The following OR4K14 variants were observed in gnomAD, a reference collection of about 807,000 sequenced individuals.
OR4K14 encodes the protein olfactory receptor family 4 subfamily K member 14, also known as olfactory receptor 4K14.
For missense variants in OR4K14, 406 were observed against 373.6 expected (o/e 1.09, Z -0.72); for synonymous variants, 153 against 141.5 (o/e 1.08, Z -0.58).
intron 1 of OR4K14, among the ~76,000 whole-genome samples, chr14:20,016,941 T>C (rs2138662219): frequency 6.6e-6 from 1 of 152,168 alleles, no homozygotes; most frequent in East Asian, 1.9e-4. Context: ...AAATGTGTTG[T>C]AATGCTTTTG....
chr14:20,014,620 C>T lies in OR4K14; in HGVS notation c.574G>A (p.Asp192Asn), dbSNP rs748978037. The change falls in exon 2 of 2, where the codon GAC (aspartate) becomes AAC (asparagine). Residue 192 changes from aspartate (D) to asparagine (N), a missense_variant. By Grantham distance (23) the Asp-to-Asn change is conservative (BLOSUM62 1). Transcript: ENST00000641793. The stretch of plus-strand genomic sequence containing the variant: ...ATAATTATACCCAAGACATAGGTGT[C>T]CATGCAGGCAAGTTTGATCACCAGA... ...LPLVIKLACM[D>N]TYVLGIIMIS... is the part of the protein sequence containing the mutation. The T allele has an allele frequency of 6.2e-7, 1 of 1,613,930 alleles. No individual in the cohort carries two copies. Among genetic ancestry groups the T allele is most frequent in the Admixed American group, 1.7e-5 (1 of 60,010 alleles).
rs1420560514 is a variant in OR4K14, at chr14:20,014,948, C to T, written c.246G>A (p.Met82Ile). The T allele has an allele frequency of 3.7e-6, 6 of 1,614,072 alleles. No individual in the cohort carries two copies. The South Asian group carries it at 6.6e-5, about 18-fold the overall frequency. The change falls in exon 2 of 2, where the codon ATG becomes ATA. Residue 82 changes from methionine (M) to isoleucine (I), a missense_variant. Physicochemically the swap from Met to Ile is conservative, Grantham distance 10 (BLOSUM62 1). Coordinates refer to ENST00000641793, the MANE Select transcript of OR4K14 (RefSeq NM_001004712.2). ...MWLASFATPK[M>I]IRDFLSDQKL... ...TTTGATCACTAAGGAAATCCCTGAT[C>T]ATCTTGGGAGTGGCAAATGAGGCCA...
rs1302401889 is a variant in OR4K14 at position 20,014,435 on chromosome 14, G to A, written c.759C>T (p.Gly253=). ...AHIMVVTLFF[G]PCIFVYVRPF... ...GCCGCACATAAACAAAAATGCAAGG[G>A]CCAAAGAACAGCGTCACTACCATGA... The change falls in exon 2 of 2, where the codon GGC becomes GGT. Residue 253 remains glycine (G), a synonymous_variant. Coordinates refer to ENST00000641793, the MANE Select transcript of OR4K14 (RefSeq NM_001004712.2). 2 of 1,614,070 alleles carry A rather than the reference G, an allele frequency of 1.2e-6. No homozygotes were observed. The highest frequency in any genetic ancestry group is 1.7e-6 in the Non-Finnish European group (2 of 1,180,006).
In OR4K14 at chr14:20,014,640, A is replaced by C; in HGVS notation, c.554T>G (p.Val185Gly). ...VDSFFCDLPL[V>G]IKLACMDTYV... ...GGTGTCCATGCAGGCAAGTTTGATCACCAGAGGGAGGTCACAGAAGAAGCT... is the reference window on the plus strand; with the variant it reads ...GGTGTCCATGCAGGCAAGTTTGATCCCCAGAGGGAGGTCACAGAAGAAGCT... Residue 185 changes from valine (V) to glycine (G), a missense_variant, in exon 2 of 2, where the codon GTG becomes GGG. Transcript: ENST00000641793. 6.2e-7 allele frequency: 1 copy of C among 1,614,104 alleles called. No homozygotes were observed. Among genetic ancestry groups the C allele is most frequent in the Non-Finnish European group, 8.5e-7 (1 of 1,179,980 alleles).
Position 20,014,942 on chromosome 14 carries a change from C to T in OR4K14, c.252G>A (p.Arg84=). 6.2e-7 allele frequency: 1 copy of T among 1,614,002 alleles called. No homozygotes were observed. Among genetic ancestry groups the T allele is most frequent in the Non-Finnish European group, 8.5e-7 (1 of 1,179,974 alleles). Residue 84 remains arginine (R), a synonymous_variant, in exon 2 of 2, where the codon AGG becomes AGA. Transcript: ENST00000641793. The part of the protein sequence containing the change: ...LASFATPKMI[R]DFLSDQKLIS... ...TGAGTTTTTGATCACTAAGGAAATCCCTGATCATCTTGGGAGTGGCAAATG... is the reference window on the plus strand; with the variant it reads ...TGAGTTTTTGATCACTAAGGAAATCTCTGATCATCTTGGGAGTGGCAAATG...
chr14:20,014,471 G>GC lies in OR4K14; in HGVS notation c.722dup (p.Cys241TrpfsTer25). On this transcript the variant is annotated frameshift_variant, in exon 2 of 2. Transcript: ENST00000641793. LOFTEE classifies it low-confidence loss of function (END_TRUNC). ...GCGTCACTACCATGATATGTGCAGA[G>GC]CAAGTGGAGAGTGCTTTGGATGTGC... 2 of 1,614,120 alleles carry GC rather than the reference G, an allele frequency of 1.2e-6. No homozygotes were observed. Among genetic ancestry groups the GC allele is most frequent in the Non-Finnish European group, 1.7e-6 (2 of 1,179,978 alleles).
In OR4K14 at chr14:20,014,636, G is replaced by T. The variant is rs2138660235; in HGVS notation, c.558C>A (p.Ile186=). ...DSFFCDLPLV[I]KLACMDTYVL... Reference sequence around the variant, plus strand: ...CATAGGTGTCCATGCAGGCAAGTTTGATCACCAGAGGGAGGTCACAGAAGA... The same window carrying T: ...CATAGGTGTCCATGCAGGCAAGTTTTATCACCAGAGGGAGGTCACAGAAGA... The change falls in exon 2 of 2, where the codon ATC becomes ATA. Residue 186 remains isoleucine, a synonymous_variant. Transcript: ENST00000641793. 6.2e-7 allele frequency: 1 copy of T among 1,614,048 alleles called. No individual in the cohort carries two copies. The highest frequency in any genetic ancestry group is 8.5e-7 in the Non-Finnish European group (1 of 1,179,950).
chr14:20,017,077 T>C (rs913430004), intron 1 of OR4K14, among the ~76,000 whole-genome samples: 1 of 152,036 alleles, frequency 6.6e-6, no homozygotes, highest in African/African-American at 2.4e-5. Flanking sequence ...TTTAATCTGC[T>C]TGGAATATTT....
Position 20,014,812 on chromosome 14 carries a change from A to T in OR4K14, c.382T>A (p.Cys128Ser). The T allele has an allele frequency of 6.2e-7, 1 of 1,614,152 alleles. No homozygotes were observed. Among genetic ancestry groups the T allele is most frequent in the Non-Finnish European group, 8.5e-7 (1 of 1,180,010 alleles). The change falls in exon 2 of 2, where the codon TGC (cysteine) becomes AGC (serine). Residue 128 changes from cysteine (C) to serine (S), a missense_variant. Coordinates refer to ENST00000641793, the MANE Select transcript of OR4K14 (RefSeq NM_001004712.2). ...AAAGTCATGTAATGCAAGGGTTTGC[A>T]TATGGCCACATATCTGTCATAGGCC... is the stretch of plus-strand genomic sequence containing the variant. Reference protein sequence around the residue: ...SMAYDRYVAICKPLHYMTLMS... With the variant: ...SMAYDRYVAISKPLHYMTLMS...
chr14:20,014,600 T>C lies in OR4K14; in HGVS notation c.594A>G (p.Ile198Met). The C allele has an allele frequency of 6.2e-7, 1 of 1,613,948 alleles. No individual in the cohort carries two copies. Among genetic ancestry groups the C allele is most frequent in the Non-Finnish European group, 8.5e-7 (1 of 1,179,894 alleles). The change falls in exon 2 of 2, where the codon ATA becomes ATG. Residue 198 changes from isoleucine (I) to methionine (M), a missense_variant. By Grantham distance (10) the Ile-to-Met change is conservative (BLOSUM62 1). Coordinates refer to ENST00000641793, the MANE Select transcript of OR4K14 (RefSeq NM_001004712.2). Reference sequence around the variant, plus strand: ...GCAACCCACTGTCTGAGATCATAATTATACCCAAGACATAGGTGTCCATGC... The same window carrying C: ...GCAACCCACTGTCTGAGATCATAATCATACCCAAGACATAGGTGTCCATGC... ...LACMDTYVLGIIMISDSGLLS... is the reference protein window; with the variant it reads ...LACMDTYVLGMIMISDSGLLS...
At position 20,014,930 on chromosome 14, in the gene OR4K14, A is replaced by G. The variant is rs1210460220; in HGVS notation, c.264T>C (p.Ser88=). The G allele has an allele frequency of 1.2e-6, 2 of 1,614,164 alleles. No individual in the cohort carries two copies. Among genetic ancestry groups the G allele is most frequent in the Non-Finnish European group, 1.7e-6 (2 of 1,180,014 alleles). ...ATPKMIRDFL[S]DQKLISFGGC... is the part of the protein sequence containing the mutation. ...CTCCAAAGGAGATGAGTTTTTGATC[A>G]CTAAGGAAATCCCTGATCATCTTGG... Residue 88 remains serine (S), a synonymous_variant, in exon 2 of 2, where the codon AGT becomes AGC. Transcript: ENST00000641793.
At position 20,014,912 on chromosome 14, in the gene OR4K14, G is replaced by A; in HGVS notation, c.282C>T (p.Ser94=). ...AGATTTGAGCCATACATCCTCCAAA[G>A]GAGATGAGTTTTTGATCACTAAGGA... is the stretch of plus-strand genomic sequence containing the variant. The part of the protein sequence containing the change: ...RDFLSDQKLI[S]FGGCMAQIFF... Residue 94 remains serine (S), a synonymous_variant, in exon 2 of 2, where the codon TCC becomes TCT. Transcript: ENST00000641793. The A allele has an allele frequency of 6.2e-7, 1 of 1,614,182 alleles. No individual in the cohort carries two copies.
chr14:20,016,530 G>A (rs1037225371), intron 1 of OR4K14, among the ~76,000 whole-genome samples: 2 of 152,042 alleles, frequency 1.3e-5, no homozygotes, highest in Non-Finnish European at 2.9e-5. Flanking sequence ...AGGAAAATTT[G>A]ATCTAAATAA....
Position 20,014,472 on chromosome 14 carries a change from C to G in OR4K14, c.722G>C (p.Cys241Ser), listed in dbSNP as rs1477164968. 1.2e-6 allele frequency: 2 copies of G among 1,614,022 alleles called. No individual in the cohort carries two copies. The change falls in exon 2 of 2, where the codon TGC (cysteine) becomes TCC (serine). Residue 241 changes from cysteine to serine, a missense_variant. Cys to Ser is a moderately radical substitution (Grantham distance 112). Transcript: ENST00000641793. The stretch of plus-strand genomic sequence containing the variant: ...CGTCACTACCATGATATGTGCAGAG[C>G]AAGTGGAGAGTGCTTTGGATGTGCT... ...AGSTSKALST[C>S]SAHIMVVTLF...
intron 1 of OR4K14, among the ~76,000 whole-genome samples, chr14:20,017,898 C>T (rs1014224734): frequency 6.6e-6 from 1 of 151,990 alleles, no homozygotes; most frequent in African/African-American, 2.4e-5. Context: ...TGAAATGGAA[C>T]AGGATGCATA....
chr14:20,018,388 G>A (rs1223124391), intron 1 of OR4K14, among the ~76,000 whole-genome samples: 2 of 151,876 alleles, frequency 1.3e-5, no homozygotes, highest in Non-Finnish European at 2.9e-5. Flanking sequence ...TCTTTAGTCT[G>A]AAATTTTAAG....
chr14:20,014,953 T>G lies in OR4K14; in HGVS notation c.241A>C (p.Lys81Gln). ...DMWLASFATP[K>Q]MIRDFLSDQK... ...TCACTAAGGAAATCCCTGATCATCT[T>G]GGGAGTGGCAAATGAGGCCAGCCAC... Residue 81 changes from lysine to glutamine, a missense_variant, in exon 2 of 2, where the codon AAG (lysine) becomes CAG (glutamine). Transcript: ENST00000641793. 1 of 1,614,110 alleles carries G rather than the reference T, an allele frequency of 6.2e-7. No individual in the cohort carries two copies. The highest frequency in any genetic ancestry group is 8.5e-7 in the Non-Finnish European group (1 of 1,179,982).
chr14:20,015,260 C>G (rs953583610), intron 1 of OR4K14, 38 bp from the exon 2 acceptor site: 1 of 927,958 alleles, frequency 1.1e-6, no homozygotes, highest in Non-Finnish European at 1.6e-6. Context: ...TGCAGCAACA[C>G]CTCAAGGACA....
At chr14:20,017,986 G>T (rs561625279) in intron 1 of OR4K14, among the ~76,000 whole-genome samples, 2 of 152,030 alleles carry the variant, frequency 1.3e-5, no homozygotes, top group African/African-American at 4.8e-5. Flanking sequence ...ATTGTATAAA[G>T]CTTTTAATAA....
Sources: allele counts gnomAD v4.1 joint callset (sites outside exome capture counted in the v4.1 genomes callset), GRCh38; gene constraint gnomAD v4.1.1; transcripts MANE v1.5; gene names NCBI Gene and HGNC (gene_info 2026-07-23, HGNC 2026-07-21).